SRPK2: variants seen among roughly 807,000 people sequenced by gnomAD.
SRPK2 encodes SFRS protein kinase 2.
In SRPK2, 21 loss-of-function variants were observed where a neutral mutation model predicts 90.8. The ratio of observed to expected loss-of-function variants is 0.23; its 90% CI spans 0.16 to 0.33. The LOEUF is 0.33. Ranked by LOEUF, SRPK2 falls within the 10% of genes least tolerant of loss-of-function variation. The probability of loss-of-function intolerance (pLI) is 1.00; values close to 1 mark genes in which losing one functional copy is unlikely to be tolerated. For synonymous variants in SRPK2, 288 were observed against 311.1 expected, an observed-to-expected ratio of 0.93 and a Z score of 0.78; for missense variants, 620 against 869.0, an observed-to-expected ratio of 0.71 and a Z score of 3.60.
intron 2 of SRPK2, among the ~76,000 whole-genome samples, chr7:105,345,899 C>G (rs1356617107): frequency 6.6e-6 from 1 of 152,246 alleles, no homozygotes; most frequent in African/African-American, 2.4e-5. Context: ...GGCCAGCTTT[C>G]AGCTATGATA....
At chr7:105,276,994 T>G (rs1271573287) in intron 2 of SRPK2, among the ~76,000 whole-genome samples, 5 of 152,028 alleles carry the variant, frequency 3.3e-5, no homozygotes, top group African/African-American at 4.8e-5. Flanking sequence ...ATTAACTGCT[T>G]CTTCTCTCTA....
intron 3 of SRPK2, among the ~76,000 whole-genome samples, chr7:105,187,343 T>C (rs376760772): frequency 6.6e-6 from 1 of 152,220 alleles, no homozygotes; most frequent in African/African-American, 2.4e-5. Flanking sequence ...CCCAGATATG[T>C]CACACTAAAA....
chr7:105,148,284 G>A (rs1365915892), intron 7 of SRPK2, among the ~76,000 whole-genome samples: 1 of 152,036 alleles, frequency 6.6e-6, no homozygotes, highest in East Asian at 1.9e-4. Context: ...AGAGAAGGGG[G>A]GCTTGATTTA....
At position 105,174,452 on chromosome 7, in the gene SRPK2, T is replaced by C. The variant is rs142468662; in HGVS notation, c.230-5187A>G. Among the ~76,000 whole-genome samples, 1,064 of 152,212 alleles carry C rather than the reference T, an allele frequency of 7.0e-3. 8 individuals carry two copies. Among genetic ancestry groups the C allele is most frequent in the Middle Eastern group, 0.017 (5 of 294 alleles). Reference sequence around the variant, plus strand: ...AAGATAATATTAAGTATTACCTGAGTTCCGCTGAGAATGCTTTCTCAGCCC... The same window carrying C: ...AAGATAATATTAAGTATTACCTGAGCTCCGCTGAGAATGCTTTCTCAGCCC... On this transcript the variant is annotated intron_variant, in intron 3 of 15. Coordinates refer to ENST00000393651, the MANE Select transcript of SRPK2 (RefSeq NM_182692.3).
chr7:105,225,667 G>A (rs1798620981), intron 2 of SRPK2, among the ~76,000 whole-genome samples: 1 of 152,048 alleles, frequency 6.6e-6, no homozygotes, highest in African/African-American at 2.4e-5. Flanking sequence ...TATTTATAAA[G>A]TTTAATAGGC....
At chr7:105,396,107 G>T (rs1030545303) in intron 1 of SRPK2, among the ~76,000 whole-genome samples, 2 of 151,772 alleles carry the variant, frequency 1.3e-5, no homozygotes, top group Admixed American at 1.3e-4. Flanking sequence ...TAGAGACGGG[G>T]TTTCTCCGTG....
intron 2 of SRPK2, among the ~76,000 whole-genome samples, chr7:105,362,494 G>A (rs1818543600): frequency 6.7e-6 from 1 of 149,760 alleles, no homozygotes; most frequent in Admixed American, 6.7e-5. Flanking sequence ...TCCAGCCTGG[G>A]CGACAGAGCA....
intron 2 of SRPK2, chr7:105,204,613 TG>T: frequency 1.6e-6 from 1 of 629,362 alleles, no homozygotes; most frequent in East Asian, 5.6e-5. Flanking sequence ...ACGGCTGCTG[TG>T]GAAAGGTTGC....
chr7:105,187,002 T>A (rs912113996), intron 3 of SRPK2, among the ~76,000 whole-genome samples: 1 of 152,240 alleles, frequency 6.6e-6, no homozygotes, highest in Non-Finnish European at 1.5e-5. Flanking sequence ...GCCCTTGAGA[T>A]GTCTCAGTTG....
At position 105,268,455 on chromosome 7, in the gene SRPK2, T is replaced by C. The variant is rs1046553120; in HGVS notation, c.72-64670A>G. On this transcript the variant is annotated intron_variant, in intron 2 of 15. Transcript: ENST00000393651. The stretch of plus-strand genomic sequence containing the variant: ...TCTGTAGAGCAGCAACCTCAACATA[T>C]AGGAAGAAAACCTCACAGCATTTCC... Among the ~76,000 whole-genome samples, 70 of 152,328 alleles carry C rather than the reference T, an allele frequency of 4.6e-4. 3 individuals are homozygous for C. The highest frequency in any genetic ancestry group is 1.9e-4 in the East Asian group (1 of 5,192).
intron 2 of SRPK2, among the ~76,000 whole-genome samples, chr7:105,287,280 AAAAAGAAG>A (rs1808262013): frequency 7.3e-6 from 1 of 136,104 alleles, no homozygotes; most frequent in South Asian, 2.4e-4. Flanking sequence ...AAAAAAAAAA[AAAAAGAAG>A]AAAAGGATGC....
intron 2 of SRPK2, among the ~76,000 whole-genome samples, chr7:105,376,352 T>A (rs1820296973): frequency 6.6e-6 from 1 of 151,160 alleles, no homozygotes; most frequent in African/African-American, 2.4e-5. Flanking sequence ...TACGGCATTC[T>A]TCATCTCAGA....
intron 2 of SRPK2, among the ~76,000 whole-genome samples, chr7:105,313,998 C>A (rs1812028895): frequency 1.3e-5 from 2 of 152,098 alleles, no homozygotes; most frequent in African/African-American, 4.8e-5. Context: ...TTTGTTTTAA[C>A]TGCATTATCC....
At chr7:105,233,091 A>AGAAAGGAAGGAAGGAAGGAAG (rs1213029003) in intron 2 of SRPK2, among the ~76,000 whole-genome samples, 4 of 91,846 alleles carry the variant, frequency 4.4e-5, no homozygotes. Context: ...AAGGAAGGAA[A>AGAAAGGAAGGAAGGAAGGAAG]GAAGGAAGGA....
In SRPK2 at chr7:105,148,993, T is replaced by C. The variant is rs984786294; in HGVS notation, c.622-2335A>G. On this transcript the variant is annotated intron_variant, in intron 7 of 15. Coordinates refer to ENST00000393651, the MANE Select transcript of SRPK2 (RefSeq NM_182692.3). ...TGCAGGGACCTCTGCCCTTGAAAGC[T>C]GGGTATTGTCCAAGGTTTCTCCCCA... is the stretch of plus-strand genomic sequence containing the variant. Among the ~76,000 whole-genome samples, 4 of 152,166 alleles carry C rather than the reference T, an allele frequency of 2.6e-5. No homozygotes were observed. In the South Asian group the frequency reaches 8.3e-4, roughly 32 times the overall value.
intron 2 of SRPK2, chr7:105,205,864 T>C (rs1796166031): frequency 2.0e-6 from 1 of 509,104 alleles, no homozygotes. Flanking sequence ...GAGAAATACT[T>C]TGAAAGCTAG....
intron 2 of SRPK2, among the ~76,000 whole-genome samples, chr7:105,278,669 G>A (rs542323302): frequency 6.6e-6 from 1 of 150,882 alleles, no homozygotes; most frequent in African/African-American, 2.4e-5. Context: ...CTGGGCGACA[G>A]AGCCAGACTC....
intron 2 of SRPK2, chr7:105,244,977 T>C (rs1801403469): frequency 1.7e-6 from 2 of 1,186,088 alleles, no homozygotes; most frequent in East Asian, 2.5e-5. Flanking sequence ...CTGAGCCCCC[T>C]TCCCTGCCCT....
chr7:105,296,479 TA>T (rs550398929), intron 2 of SRPK2, among the ~76,000 whole-genome samples: 1 of 152,078 alleles, frequency 6.6e-6, no homozygotes, highest in Non-Finnish European at 1.5e-5. Context: ...TATAAGATTT[TA>T]AAAAAAAGTC....
Sources: gnomAD v4.1 joint callset for allele counts (sites outside exome capture counted in the v4.1 genomes callset) on GRCh38, gnomAD v4.1.1 for gene constraint, MANE v1.5 for transcripts, NCBI Gene and HGNC (gene_info 2026-07-23, HGNC 2026-07-21) for gene names.